The following ANXA4 variants were observed in gnomAD, a reference collection of about 807,000 sequenced individuals.
The protein encoded by ANXA4 is annexin A4.
ANXA4 carries 39 observed loss-of-function variants against 49.8 expected under a neutral mutation model. The observed-to-expected ratio is 0.78, with a 90% CI of 0.61 to 1.02. The LOEUF is 1.02. Ranked by LOEUF, ANXA4 falls within the 50% of genes least tolerant of loss-of-function variation. The pLI, the probability that ANXA4 is intolerant of heterozygous loss-of-function variation, is 0.00. For synonymous variants in ANXA4, 134 were observed against 152.5 expected (o/e 0.88, Z 0.89); for missense variants, 360 against 410.1 (o/e 0.88, Z 1.05).
intron 3 of ANXA4, among the ~76,000 whole-genome samples, chr2:69,795,772 C>G (rs567263182): frequency 2.0e-4 from 31 of 152,306 alleles, no homozygotes; most frequent in African/African-American, 7.2e-4. Flanking sequence ...TGCTGGCCCC[C>G]ATGTGGGCTA....
At chr2:69,685,422 T>C (rs945513323) in intron 2 of ANXA4, among the ~76,000 whole-genome samples, 2 of 152,158 alleles carry the variant, frequency 1.3e-5, no homozygotes, top group African/African-American at 4.8e-5. Context: ...ACTGAATGAA[T>C]TAGAAACCAG....
chr2:69,657,791 T>G (rs977358607), intron 2 of ANXA4, among the ~76,000 whole-genome samples: 2 of 152,144 alleles, frequency 1.3e-5, no homozygotes, highest in African/African-American at 4.8e-5. Flanking sequence ...TAATACAAAT[T>G]TTGATAAACA....
intron 2 of ANXA4, among the ~76,000 whole-genome samples, chr2:69,695,812 T>C (rs1273560317): frequency 1.3e-5 from 2 of 152,168 alleles, no homozygotes; most frequent in Non-Finnish European, 2.9e-5. Context: ...TCCCAGTGCA[T>C]AGAAAGGTTA....
At chr2:69,751,044 T>C (rs1339159357) in intron 1 of ANXA4, among the ~76,000 whole-genome samples, 1 of 152,218 alleles carries the variant, frequency 6.6e-6, no homozygotes, top group African/African-American at 2.4e-5. Context: ...TATGATATTT[T>C]ATTAAATTTT....
chr2:69,741,702 G>C (rs1027147006), upstream of ANXA4, among the ~76,000 whole-genome samples: 1 of 152,264 alleles, frequency 6.6e-6, no homozygotes, highest in Non-Finnish European at 1.5e-5. Context: ...GCGGGACTCC[G>C]GCTTGGCGCG....
chr2:69,755,386 G>A (rs566119309), intron 1 of ANXA4, among the ~76,000 whole-genome samples: 29 of 152,310 alleles, frequency 1.9e-4, no homozygotes, highest in African/African-American at 5.8e-4. Context: ...TTGGGAGGCC[G>A]AGGCTGGCAG....
rs578081629 is a variant in ANXA4 at position 69,680,133 on chromosome 2, A to G, written n.766+26851A>G. Among the ~76,000 whole-genome samples the G allele has an allele frequency of 1.3e-4, 20 of 152,334 alleles. No individual in the cohort carries two copies. In the South Asian group the frequency reaches 3.7e-3, roughly 28 times the overall value. Reference sequence around the variant, plus strand: ...TTAAGAGCGTTAATTCTTCTGATCTATGAACAAAATATGTCTTTTCATTTG... The same window carrying G: ...TTAAGAGCGTTAATTCTTCTGATCTGTGAACAAAATATGTCTTTTCATTTG... On this transcript the variant is annotated intron_variant and non_coding_transcript_variant, in intron 2 of 3. Transcript: ENST00000418066.
In ANXA4 at chr2:69,720,310, C is replaced by A. The variant is rs577682568; in HGVS notation, n.767-464C>A. ...TTCAAATCCCCCCGGTCCCTCCTCT[C>A]GCTCCATCAGTGCCTTGGTGACCAC... On this transcript the variant is annotated intron_variant and non_coding_transcript_variant, in intron 2 of 3. Transcript: ENST00000418066. Among the ~76,000 whole-genome samples the A allele has an allele frequency of 2.4e-4, 36 of 152,230 alleles. 1 individual carries two copies. Among genetic ancestry groups the A allele is most frequent in the African/African-American group, 8.7e-4 (36 of 41,462 alleles).
At chr2:69,752,919 C>T (rs1008742744) in intron 1 of ANXA4, among the ~76,000 whole-genome samples, 3 of 152,166 alleles carry the variant, frequency 2.0e-5, no homozygotes, top group Admixed American at 6.5e-5. Flanking sequence ...TAAGTCTTAA[C>T]GTTCATAATC....
chr2:69,802,977 G>A (rs926342632), intron 3 of ANXA4, among the ~76,000 whole-genome samples: 3 of 151,956 alleles, frequency 2.0e-5, no homozygotes, highest in South Asian at 4.2e-4. Context: ...CAGGTGGATC[G>A]CCTGAGGTCA....
intron 1 of ANXA4, among the ~76,000 whole-genome samples, chr2:69,753,205 TA>T (rs1419074516): frequency 6.6e-6 from 1 of 152,136 alleles, no homozygotes; most frequent in Non-Finnish European, 1.5e-5. Flanking sequence ...TAGTATATGA[TA>T]GGGGCAAAAT....
At chr2:69,688,439 A>T (rs1421317320) in intron 2 of ANXA4, among the ~76,000 whole-genome samples, 1 of 152,214 alleles carries the variant, frequency 6.6e-6, no homozygotes, top group Non-Finnish European at 1.5e-5. Context: ...GCCACTGATG[A>T]TAAGCGTCTA....
At chr2:69,750,617 T>C (rs1038762240) in intron 1 of ANXA4, among the ~76,000 whole-genome samples, 1 of 152,184 alleles carries the variant, frequency 6.6e-6, no homozygotes, top group African/African-American at 2.4e-5. Context: ...TTTTACCACG[T>C]TTCCCAGGCT....
chr2:69,814,872 G>A (rs1443888193), intron 8 of ANXA4: 3 of 152,224 alleles, frequency 2.0e-5, no homozygotes, highest in African/African-American at 7.3e-5. Flanking sequence ...ATGCAGGCCA[G>A]CCTATGGTTT....
intron 3 of ANXA4, among the ~76,000 whole-genome samples, chr2:69,801,094 G>T (rs950890409): frequency 2.6e-5 from 4 of 152,168 alleles, no homozygotes; most frequent in Non-Finnish European, 4.4e-5. Context: ...CCCTACCCCA[G>T]TCTTTTATTA....
chr2:69,824,549 A>G (rs1479911424), intron 12 of ANXA4, among the ~76,000 whole-genome samples: 2 of 151,964 alleles, frequency 1.3e-5, no homozygotes, highest in Non-Finnish European at 2.9e-5. Flanking sequence ...TTAGTCCAGT[A>G]ATTCCCATTT....
At chr2:69,775,619 T>C (rs1334326558) in intron 1 of ANXA4, among the ~76,000 whole-genome samples, 5 of 152,194 alleles carry the variant, frequency 3.3e-5, no homozygotes. Context: ...GTGTGTGGGT[T>C]AGTTTTATAG....
At chr2:69,773,228 T>A (rs1026500974) in intron 1 of ANXA4, among the ~76,000 whole-genome samples, 6 of 152,242 alleles carry the variant, frequency 3.9e-5, no homozygotes, top group African/African-American at 1.4e-4. Context: ...ACTCTCAGTA[T>A]TTCCAGAAGG....
chr2:69,763,337 T>C (rs1033185754), intron 1 of ANXA4, among the ~76,000 whole-genome samples: 16 of 152,274 alleles, frequency 1.1e-4, no homozygotes, highest in Non-Finnish European at 1.6e-4. Flanking sequence ...GTTCCAGATC[T>C]CCGAGGTGGA....
Sources: gnomAD v4.1 joint callset for allele counts (sites outside exome capture counted in the v4.1 genomes callset) on GRCh38, gnomAD v4.1.1 for gene constraint, MANE v1.5 for transcripts, NCBI Gene and HGNC (gene_info 2026-07-23, HGNC 2026-07-21) for gene names.